The following TNRC6B variants were observed in gnomAD, a reference collection of about 807,000 sequenced individuals.
TNRC6B encodes the protein trinucleotide repeat containing adaptor 6B, also known as trinucleotide repeat-containing gene 6B protein.
In TNRC6B, 52 loss-of-function variants were observed where a neutral mutation model predicts 203.6. The observed-to-expected ratio is 0.26, with a 90% CI of 0.20 to 0.32. The LOEUF is 0.32. Ranked by LOEUF, TNRC6B falls within the 10% of genes least tolerant of loss-of-function variation. The pLI is 1.00. For missense variants in TNRC6B, 1,923 were observed against 2,286.2 expected, an observed-to-expected ratio of 0.84 and a Z score of 3.24; for synonymous variants, 838 against 845.7, an observed-to-expected ratio of 0.99 and a Z score of 0.16.
rs1374262647 is a variant in TNRC6B, at chr22:40,329,583, C to T, written c.*6342C>T. 2.6e-5 allele frequency: 4 copies of T among 152,130 alleles called. No homozygotes were observed. The East Asian group carries it at 5.8e-4, about 22-fold the overall frequency. The allele number at this position is 152,130 out of a possible 1,614,324, so 9.4% of individuals were successfully genotyped here. A position where few individuals can be genotyped will look rare whatever the true frequency, so the allele number is the denominator to read the frequency against. On this transcript the variant is annotated 3_prime_UTR_variant, in exon 23 of 23. Coordinates refer to ENST00000454349, the MANE Select transcript of TNRC6B (RefSeq NM_001162501.2). ...AACCTGCTCACCATACCTCCCCACC[C>T]CATGCCTCTGAAGAAAGAGGCCATG... is the stretch of plus-strand genomic sequence containing the variant.
intron 1 of TNRC6B, among the ~76,000 whole-genome samples, chr22:40,049,565 C>G (rs1842935306): frequency 6.6e-6 from 1 of 152,176 alleles, no homozygotes; most frequent in African/African-American, 2.4e-5. Context: ...CACCTCTCTT[C>G]CATACTCCAA....
intron 1 of TNRC6B, among the ~76,000 whole-genome samples, chr22:40,105,567 T>C (rs2068276108): frequency 6.6e-6 from 1 of 152,220 alleles, no homozygotes; most frequent in African/African-American, 2.4e-5. Context: ...CTGTATCTCC[T>C]TTTGTGTCTC....
intron 3 of TNRC6B, among the ~76,000 whole-genome samples, chr22:40,149,145 A>G (rs1191959308): frequency 1.3e-5 from 2 of 152,262 alleles, no homozygotes; most frequent in East Asian, 1.9e-4. Flanking sequence ...TCAAATTGTG[A>G]TACATTCTGA....
intron 1 of TNRC6B, among the ~76,000 whole-genome samples, chr22:40,183,623 T>C (rs1310625473): frequency 1.3e-5 from 2 of 152,060 alleles, no homozygotes; most frequent in African/African-American, 2.4e-5. Context: ...AATACAGCGT[T>C]TTCTCCCTCA....
chr22:40,173,072 T>C (rs1228978637), upstream of TNRC6B, among the ~76,000 whole-genome samples: 2 of 152,208 alleles, frequency 1.3e-5, no homozygotes, highest in African/African-American at 4.8e-5. Context: ...GACAGAATTA[T>C]CTACATTTAT....
At chr22:40,060,418 G>A (rs894028893) in intron 1 of TNRC6B, among the ~76,000 whole-genome samples, 2 of 151,906 alleles carry the variant, frequency 1.3e-5, no homozygotes, top group African/African-American at 2.4e-5. Flanking sequence ...CTAGGATTAC[G>A]GGCATGAGCC....
At chr22:40,278,141 G>T (rs1159434477) in intron 9 of TNRC6B, 97 bp downstream of exon 9, 5 of 933,556 alleles carry the variant, frequency 5.4e-6, no homozygotes, top group Non-Finnish European at 6.8e-6. Context: ...GTGCAGTTCA[G>T]TAGACATTGA....
At chr22:40,146,268 A>G (rs2068694660) in intron 3 of TNRC6B, among the ~76,000 whole-genome samples, 1 of 152,200 alleles carries the variant, frequency 6.6e-6, no homozygotes, top group African/African-American at 2.4e-5. Flanking sequence ...GATATGTGTG[A>G]TGCTGGGGAG....
intron 1 of TNRC6B, among the ~76,000 whole-genome samples, chr22:40,222,191 A>G (rs951428772): frequency 5.3e-5 from 8 of 152,216 alleles, no homozygotes; most frequent in Non-Finnish European, 7.4e-5. Context: ...TTTGCGGTCT[A>G]TTGCTGAGGA....
intron 3 of TNRC6B, among the ~76,000 whole-genome samples, chr22:40,154,910 T>TATATA (rs2068806530): frequency 8.1e-6 from 1 of 122,712 alleles, no homozygotes; most frequent in African/African-American, 3.2e-5. Flanking sequence ...TATATATATA[T>TATATA]TCTGCTTCAA....
At chr22:40,055,051 A>C (rs952413360) in intron 1 of TNRC6B, among the ~76,000 whole-genome samples, 1 of 152,108 alleles carries the variant, frequency 6.6e-6, no homozygotes, top group Admixed American at 6.5e-5. Flanking sequence ...AAAAGAAAAG[A>C]AATTATGCTT....
intron 7 of TNRC6B, among the ~76,000 whole-genome samples, chr22:40,276,436 C>T (rs1231056990): frequency 6.6e-6 from 1 of 152,162 alleles, no homozygotes; most frequent in Non-Finnish European, 1.5e-5. Context: ...TTCATAGTTC[C>T]CCCTGCTTCC....
intron 15 of TNRC6B, among the ~76,000 whole-genome samples, chr22:40,307,436 A>G (rs1055102260): frequency 6.6e-5 from 10 of 152,062 alleles, no homozygotes; most frequent in Admixed American, 5.9e-4. Context: ...TCATTTTTCT[A>G]TGGTCATTTA....
intron 1 of TNRC6B, among the ~76,000 whole-genome samples, chr22:40,239,739 G>A (rs1200607215): frequency 6.6e-6 from 1 of 152,180 alleles, no homozygotes; most frequent in Non-Finnish European, 1.5e-5. Context: ...AGGGATCTCA[G>A]CATCGTTGCT....
chr22:40,290,834 GC>G (rs1334215485), intron 12 of TNRC6B, among the ~76,000 whole-genome samples: 1 of 152,160 alleles, frequency 6.6e-6, no homozygotes, highest in African/African-American at 2.4e-5. Context: ...ATGGGAAGAT[GC>G]ATATCAGAGT....
intron 4 of TNRC6B, 24 bp downstream of exon 4, chr22:40,262,197 G>A (rs1159016516): frequency 7.4e-7 from 1 of 1,356,928 alleles, no homozygotes; most frequent in African/African-American, 1.4e-5. Flanking sequence ...TGAATCGAAT[G>A]CATGGCAGCT....
Position 40,277,106 on chromosome 22 carries a change from A to G in TNRC6B, c.3171A>G (p.Ser1057=), listed in dbSNP as rs373008272. The stretch of plus-strand genomic sequence containing the variant: ...CACTCAAAGGAGGAAACAATGATTC[A>G]TGGATGAATCCTCTTGCCAAACAGT... The part of the protein sequence containing the change: ...KCSLKGGNND[S]WMNPLAKQFS... The change falls in exon 8 of 23, where the codon TCA becomes TCG. Residue 1057 remains serine, a synonymous_variant. Transcript: ENST00000454349. The G allele has an allele frequency of 6.8e-6, 11 of 1,608,392 alleles. No individual in the cohort carries two copies. The East Asian group carries it at 1.3e-4, about 20-fold the overall frequency.
At chr22:40,073,721 C>T (rs2067976458) in intron 1 of TNRC6B, among the ~76,000 whole-genome samples, 1 of 151,726 alleles carries the variant, frequency 6.6e-6, no homozygotes, top group Admixed American at 6.6e-5. Flanking sequence ...CGAGACCAGT[C>T]TGGGTAACAT....
intron 3 of TNRC6B, among the ~76,000 whole-genome samples, chr22:40,145,977 A>G (rs732384): frequency 0.18 from 27,970 of 152,174 alleles, 3,364 homozygotes; most frequent in Admixed American, 0.33. Flanking sequence ...GTTAGGATGG[A>G]AACAGAATTG....
Sources: gnomAD v4.1 joint callset for allele counts (sites outside exome capture counted in the v4.1 genomes callset) on GRCh38, gnomAD v4.1.1 for gene constraint, MANE v1.5 for transcripts, NCBI Gene and HGNC (gene_info 2026-07-23, HGNC 2026-07-21) for gene names.